Variants in FHIT observed in about 807,000 individuals in gnomAD.
FHIT encodes fragile histidine triad diadenosine triphosphatase.
FHIT carries 19 observed loss-of-function variants against 17.9 expected under a neutral mutation model. The ratio of observed to expected loss-of-function variants is 1.06; its 90% confidence interval spans 0.74 to 1.56. The LOEUF is 1.56. FHIT is among the 40% of genes most tolerant of loss of function. The pLI, the probability that FHIT is intolerant of heterozygous loss-of-function variation, is 0.00. For missense variants in FHIT, 248 were observed against 189.2 expected, an observed-to-expected ratio of 1.31 and a Z score of -1.82; for synonymous variants, 81 against 69.7, an observed-to-expected ratio of 1.16 and a Z score of -0.81.
At chr3:60,507,276 C>A (rs762499524) in intron 5 of FHIT, among the ~76,000 whole-genome samples, 11 of 152,022 alleles carry the variant, frequency 7.2e-5, no homozygotes, top group Non-Finnish European at 1.5e-4. Context: ...ATGCAAAGGC[C>A]TATGGCTAAA....
intron 5 of FHIT, among the ~76,000 whole-genome samples, chr3:60,402,913 T>C (rs1701717126): frequency 6.6e-6 from 1 of 152,182 alleles, no homozygotes; most frequent in South Asian, 2.1e-4. Flanking sequence ...CCTACTCTCA[T>C]TCCAGCACTT....
intron 5 of FHIT, among the ~76,000 whole-genome samples, chr3:60,249,143 T>C (rs1374282116): frequency 6.6e-6 from 1 of 152,172 alleles, no homozygotes; most frequent in Non-Finnish European, 1.5e-5. Flanking sequence ...TACATCAGTT[T>C]AATTCTCAGG....
chr3:60,372,003 T>C (rs1230289716), intron 5 of FHIT, among the ~76,000 whole-genome samples: 1 of 152,196 alleles, frequency 6.6e-6, no homozygotes, highest in Non-Finnish European at 1.5e-5. Context: ...TATTCTTTCA[T>C]ACCATAAAGC....
intron 3 of FHIT, among the ~76,000 whole-genome samples, chr3:60,839,805 A>G (rs1702658457): frequency 6.6e-6 from 1 of 152,180 alleles, no homozygotes; most frequent in South Asian, 2.1e-4. Flanking sequence ...AGATTTCTGC[A>G]TTTACATAAC....
intron 1 of FHIT, among the ~76,000 whole-genome samples, chr3:61,212,542 T>C (rs2039517339): frequency 6.6e-6 from 1 of 152,164 alleles, no homozygotes. Flanking sequence ...TACCTGAAAG[T>C]GATGGGGAGA....
chr3:60,426,382 A>T (rs1702666321), intron 5 of FHIT, among the ~76,000 whole-genome samples: 1 of 152,132 alleles, frequency 6.6e-6, no homozygotes, highest in African/African-American at 2.4e-5. Context: ...GGATGATATC[A>T]TGTTCATTTT....
chr3:60,767,461 T>G (rs1389898381), intron 4 of FHIT, among the ~76,000 whole-genome samples: 1 of 152,212 alleles, frequency 6.6e-6, no homozygotes, highest in Non-Finnish European at 1.5e-5. Flanking sequence ...TTCAGAGAAT[T>G]TGTTAATTTG....
intron 3 of FHIT, among the ~76,000 whole-genome samples, chr3:60,991,105 A>C (rs2030168243): frequency 6.6e-6 from 1 of 152,162 alleles, no homozygotes; most frequent in South Asian, 2.1e-4. Context: ...ACGGGGGTGG[A>C]GGGGCGGTCA....
chr3:61,158,299 C>T (rs2037587621), intron 2 of FHIT, among the ~76,000 whole-genome samples: 1 of 152,160 alleles, frequency 6.6e-6, no homozygotes, highest in Non-Finnish European at 1.5e-5. Flanking sequence ...TCAACAGAAC[C>T]ATCAATACGT....
At chr3:61,249,575 C>A (rs192278651) in intron 1 of FHIT, among the ~76,000 whole-genome samples, 179 of 152,238 alleles carry the variant, frequency 1.2e-3, no homozygotes, top group African/African-American at 3.9e-3. Flanking sequence ...CAGTCTCAGT[C>A]CTTTTATTCA....
chr3:59,972,179 G>C (rs1046268208), intron 7 of FHIT, among the ~76,000 whole-genome samples: 4 of 152,102 alleles, frequency 2.6e-5, no homozygotes, highest in African/African-American at 9.7e-5. Context: ...GAGACAGAAT[G>C]TGCCCTGTTA....
At chr3:60,353,387 A>C (rs1699505184) in intron 5 of FHIT, among the ~76,000 whole-genome samples, 1 of 152,204 alleles carries the variant, frequency 6.6e-6, no homozygotes, top group Non-Finnish European at 1.5e-5. Context: ...TGCTCTGCCC[A>C]GTAGAGGGTC....
intron 4 of FHIT, among the ~76,000 whole-genome samples, chr3:60,560,121 T>C (rs1047133047): frequency 2.0e-5 from 3 of 152,100 alleles, no homozygotes; most frequent in Admixed American, 6.6e-5. Context: ...AACAAGACAG[T>C]ACACAGACAA....
chr3:59,836,778 A>G (rs1447862565), intron 8 of FHIT, among the ~76,000 whole-genome samples: 3 of 152,132 alleles, frequency 2.0e-5, no homozygotes, highest in African/African-American at 7.2e-5. Context: ...ACATGGCCTC[A>G]GAAGGAAGCC....
At chr3:60,568,373 C>T (rs892139716) in intron 4 of FHIT, among the ~76,000 whole-genome samples, 8 of 151,882 alleles carry the variant, frequency 5.3e-5, no homozygotes, top group Non-Finnish European at 1.0e-4. Context: ...AACCAAATAC[C>T]GCGTGTTCTC....
At chr3:60,405,319 T>A (rs2107204476) in intron 5 of FHIT, among the ~76,000 whole-genome samples, 1 of 152,274 alleles carries the variant, frequency 6.6e-6, no homozygotes, top group African/African-American at 2.4e-5. Flanking sequence ...CTTTAACCTT[T>A]TTTGCTTACT....
intron 2 of FHIT, among the ~76,000 whole-genome samples, chr3:61,061,283 T>C (rs7653468): frequency 0.12 from 18,880 of 152,152 alleles, 1,317 homozygotes; most frequent in Middle Eastern, 0.26. Context: ...CCTGTTGTGA[T>C]ATATGTTTAG....
chr3:61,224,404 C>CTATTTTATTTTATTT (rs559158415), intron 1 of FHIT, among the ~76,000 whole-genome samples: 1 of 151,970 alleles, frequency 6.6e-6, no homozygotes, highest in Non-Finnish European at 1.5e-5. Context: ...GCTTATGTTA[C>CTATTTTATTTTATTT]TATTTTATTT....
At chr3:60,769,965 C>T (rs1431531510) in intron 4 of FHIT, among the ~76,000 whole-genome samples, 2 of 152,180 alleles carry the variant, frequency 1.3e-5, no homozygotes, top group African/African-American at 2.4e-5. Flanking sequence ...CCTCACACCC[C>T]ACTCAAACTG....
Sources: gnomAD v4.1 joint callset for allele counts (sites outside exome capture counted in the v4.1 genomes callset) on GRCh38, gnomAD v4.1.1 for gene constraint, MANE v1.5 for transcripts, NCBI Gene and HGNC (gene_info 2026-07-23, HGNC 2026-07-21) for gene names.